PPIL6: variants seen among roughly 807,000 people sequenced by gnomAD.
The protein encoded by PPIL6 is peptidylprolyl isomerase like 6, also known as probable inactive peptidyl-prolyl cis-trans isomerase-like 6.
In PPIL6, 39 loss-of-function variants were observed where a neutral mutation model predicts 36.8. The observed-to-expected ratio is 1.06, with a 90% CI of 0.82 to 1.38. The LOEUF (loss-of-function observed/expected upper bound fraction) is 1.38, where lower values mean the gene tolerates loss of function less well. Among genes scored for constraint, PPIL6 ranks in the 40% most tolerant of loss-of-function variants. The probability of loss-of-function intolerance (pLI) is 0.00; values close to 1 mark genes in which losing one functional copy is unlikely to be tolerated. For synonymous variants in PPIL6, 123 were observed against 134.1 expected (o/e 0.92, Z 0.57); for missense variants, 368 against 379.1 (o/e 0.97, Z 0.24).
At position 109,392,732 on chromosome 6, in the gene PPIL6, A is replaced by G. The variant is rs1772140233; in HGVS notation, c.*94T>C. 2.5e-6 allele frequency: 2 copies of G among 803,286 alleles called. No homozygotes were observed. Among genetic ancestry groups the G allele is most frequent in the Non-Finnish European group, 4.0e-6 (2 of 501,370 alleles). The allele number at this position is 803,286 out of a possible 1,614,324, so 49.8% of individuals were successfully genotyped here. ...ACCTACAGTGTCTGCCACGGCTTTC[A>G]AATTACAATTTATCAAGTACTTTTT... On this transcript the variant is annotated 3_prime_UTR_variant, in exon 8 of 8. Transcript: ENST00000521072.
At chr6:109,429,224 CA>C (rs1773993354) in intron 3 of PPIL6, among the ~76,000 whole-genome samples, 1 of 152,190 alleles carries the variant, frequency 6.6e-6, no homozygotes. Context: ...TCATTATGTC[CA>C]GCCCATGCTG....
In PPIL6 at chr6:109,391,312, AAAAAG is replaced by A; in HGVS notation, c.*1509_*1513del. 6.7e-6 allele frequency: 1 copy of A among 148,638 alleles called. No individual in the cohort carries two copies. Among genetic ancestry groups the A allele is most frequent in the Non-Finnish European group, 1.4e-5 (1 of 69,114 alleles). The allele number at this position is 148,638 out of a possible 1,614,324, so 9.2% of individuals were successfully genotyped here. A position where few individuals can be genotyped will look rare whatever the true frequency, so the allele number is the denominator to read the frequency against. On this transcript the variant is annotated 3_prime_UTR_variant, in exon 8 of 8. Coordinates refer to ENST00000521072, the MANE Select transcript of PPIL6 (RefSeq NM_173672.5). ...CAAAAAAAAAAAAAAAAAAAAAAAA[AAAAAG>A]AAAAGCACTCTTAGTCTGGGCAGAG...
At chr6:109,418,116 T>C (rs1017732933) in intron 6 of PPIL6, 6 of 152,766 alleles carry the variant, frequency 3.9e-5, no homozygotes, top group Non-Finnish European at 7.3e-5. Flanking sequence ...ATCTTGCATA[T>C]TGAAGCATGT....
chr6:109,429,680 G>A (rs1307497826), intron 3 of PPIL6, among the ~76,000 whole-genome samples: 1 of 152,200 alleles, frequency 6.6e-6, no homozygotes, highest in African/African-American at 2.4e-5. Flanking sequence ...CATTGAAGGT[G>A]GAGGTGTGAA....
At chr6:109,430,217 C>T (rs556472601) in intron 3 of PPIL6, among the ~76,000 whole-genome samples, 21 of 152,300 alleles carry the variant, frequency 1.4e-4, no homozygotes, top group Non-Finnish European at 2.1e-4. Context: ...AGGCACAGGC[C>T]GCCATGGGCA....
intron 3 of PPIL6, among the ~76,000 whole-genome samples, chr6:109,428,081 C>T (rs1319195041): frequency 6.6e-6 from 1 of 152,200 alleles, no homozygotes; most frequent in Admixed American, 6.5e-5. Context: ...CTCATGTGCA[C>T]AGATGCCCTC....
rs964616367 is a variant in PPIL6 at position 109,391,760 on chromosome 6, C to A, written c.*1066G>T. On this transcript the variant is annotated 3_prime_UTR_variant, in exon 8 of 8. Transcript: ENST00000521072. ...CCACCACGGACACTGTAAAACAAGC[C>A]CTTGGTTTTCATAGGGTTGGTATGG... The A allele has an allele frequency of 1.3e-5, 2 of 151,992 alleles. No individual in the cohort carries two copies. The highest frequency in any genetic ancestry group is 4.8e-5 in the African/African-American group (2 of 41,368). 9.4% of individuals were successfully genotyped at this position (151,992 alleles called of 1,614,324 possible). A position where few individuals can be genotyped will look rare whatever the true frequency, so the allele number is the denominator to read the frequency against.
At chr6:109,439,171 G>C (rs1307864975) in intron 1 of PPIL6, among the ~76,000 whole-genome samples, 1 of 151,736 alleles carries the variant, frequency 6.6e-6, no homozygotes, top group African/African-American at 2.4e-5. Flanking sequence ...CAGAAAAAGA[G>C]CGAAAAAAAA....
chr6:109,401,914 A>G (rs6914216), intron 6 of PPIL6, among the ~76,000 whole-genome samples: 57,670 of 151,536 alleles, frequency 0.38, 11,305 homozygotes, highest in South Asian at 0.51. Flanking sequence ...TAGTGGAAAC[A>G]GGGTTTCACC....
At chr6:109,399,003 C>T (rs1254006117) in intron 7 of PPIL6, among the ~76,000 whole-genome samples, 4 of 152,078 alleles carry the variant, frequency 2.6e-5, no homozygotes, top group Non-Finnish European at 5.9e-5. Context: ...AGTGCAGTGG[C>T]ACAATCATGG....
rs559384356 is a variant in PPIL6, at chr6:109,423,863, T to C, written c.631+2984A>G. On this transcript the variant is annotated intron_variant, in intron 5 of 7. Transcript: ENST00000521072. ...TGTATGTTTCCTGTTTAACCACCTA[T>C]TTTCCTTCTTACACTCTCTTCCTTC... is the stretch of plus-strand genomic sequence containing the variant. 2.3e-3 allele frequency among the ~76,000 whole-genome samples: 349 copies of C among 152,302 alleles called. 2 individuals carry two copies. The highest frequency in any genetic ancestry group is 4.5e-3 in the Non-Finnish European group (308 of 68,024).
chr6:109,426,909 C>A lies in PPIL6; in HGVS notation c.569G>T (p.Arg190Ile). 1 of 1,608,064 alleles carries A rather than the reference C, an allele frequency of 6.2e-7. No homozygotes were observed. The highest frequency in any genetic ancestry group is 8.5e-7 in the Non-Finnish European group (1 of 1,175,344). The part of the protein sequence containing the change: ...GKAGFSQRGI[R>I]LHYKNSIFHR... ...AAAAATGGAATTTTTGTAATGTAGTCTTATGCCACGTTGAGAAAACCCTGC... is the reference window on the plus strand; with the variant it reads ...AAAAATGGAATTTTTGTAATGTAGTATTATGCCACGTTGAGAAAACCCTGC... The change falls in exon 5 of 8, where the codon AGA becomes ATA. Residue 190 changes from arginine (R) to isoleucine (I), a missense_variant. Transcript: ENST00000521072.
intron 1 of PPIL6, 61 bp downstream of exon 1, chr6:109,440,395 C>T: frequency 6.6e-7 from 1 of 1,518,572 alleles, no homozygotes. Flanking sequence ...GCCTGCAGTC[C>T]ACGCGGCCGA....
At chr6:109,424,349 G>A (rs1046960012) in intron 5 of PPIL6, among the ~76,000 whole-genome samples, 1 of 152,060 alleles carries the variant, frequency 6.6e-6, no homozygotes, top group Non-Finnish European at 1.5e-5. Context: ...GGCTGTGTGT[G>A]CAACCGAGTG....
intron 5 of PPIL6, among the ~76,000 whole-genome samples, chr6:109,425,901 C>T (rs1562269336): frequency 1.3e-5 from 2 of 151,922 alleles, no homozygotes; most frequent in African/African-American, 4.8e-5. Flanking sequence ...AAATGTTCAC[C>T]AATGGGGAAT....
At chr6:109,407,011 G>T (rs1772823140) in intron 6 of PPIL6, among the ~76,000 whole-genome samples, 4 of 152,090 alleles carry the variant, frequency 2.6e-5, no homozygotes, top group African/African-American at 9.7e-5. Flanking sequence ...GAGGTTCCAG[G>T]CTCATTTTGT....
intron 7 of PPIL6, among the ~76,000 whole-genome samples, chr6:109,395,362 G>A (rs1352789451): frequency 1.3e-5 from 2 of 151,136 alleles, no homozygotes; most frequent in South Asian, 2.1e-4. Context: ...AGCTGAGATC[G>A]CACCACTGCA....
chr6:109,425,653 G>T (rs907672156), intron 5 of PPIL6, among the ~76,000 whole-genome samples: 1 of 151,778 alleles, frequency 6.6e-6, no homozygotes, highest in Admixed American at 6.6e-5. Context: ...GGAGGCTGAG[G>T]CAGGGAGAAT....
chr6:109,426,857 T>C lies in PPIL6; in HGVS notation c.621A>G (p.Ile207Met). ...IFHRIVQNGW[I>M]QGGDIVYGKG... ...AGATTTTAAACTTACCCCCTCCTTG[T>C]ATCCAGCCATTCTGTACTATTCGAT... The change falls in exon 5 of 8, where the codon ATA (isoleucine) becomes ATG (methionine). Residue 207 changes from isoleucine to methionine, a missense_variant. Coordinates refer to ENST00000521072, the MANE Select transcript of PPIL6 (RefSeq NM_173672.5). 1 of 1,528,044 alleles carries C rather than the reference T, an allele frequency of 6.5e-7. No individual in the cohort carries two copies. Among genetic ancestry groups the C allele is most frequent in the African/African-American group, 1.4e-5 (1 of 73,596 alleles). The allele number at this position is 1,528,044 out of a possible 1,614,324, so 94.7% of individuals were successfully genotyped here.
Sources: gnomAD v4.1 joint callset for allele counts (sites outside exome capture counted in the v4.1 genomes callset) on GRCh38, gnomAD v4.1.1 for gene constraint, MANE v1.5 for transcripts, NCBI Gene and HGNC (gene_info 2026-07-23, HGNC 2026-07-21) for gene names.